Variants in GRM7 observed in about 807,000 individuals in gnomAD.
GRM7 encodes glutamate metabotropic receptor 7.
In GRM7, 35 loss-of-function variants were observed where a neutral mutation model predicts 84.5. That is an observed-to-expected ratio of 0.41 (90% CI 0.32 to 0.55). The LOEUF is 0.55. Among genes scored for constraint, GRM7 ranks in the 20% least tolerant of loss-of-function variants. The probability of loss-of-function intolerance (pLI) is 0.19; values close to 1 mark genes in which losing one functional copy is unlikely to be tolerated. For missense variants in GRM7, 1,003 were observed against 1,194.6 expected, an observed-to-expected ratio of 0.84 and a Z score of 2.36; for synonymous variants, 487 against 455.1, an observed-to-expected ratio of 1.07 and a Z score of -0.89.
At chr3:7,346,786 G>A (rs1222492337) in intron 4 of GRM7, among the ~76,000 whole-genome samples, 2 of 152,148 alleles carry the variant, frequency 1.3e-5, no homozygotes, top group Non-Finnish European at 2.9e-5. Flanking sequence ...CTCATCATTT[G>A]AAGTGCACCC....
intron 7 of GRM7, among the ~76,000 whole-genome samples, chr3:7,503,689 G>T (rs1699953527): frequency 6.6e-6 from 1 of 152,082 alleles, no homozygotes; most frequent in African/African-American, 2.4e-5. Context: ...GGAAATGTCG[G>T]CATGTTTGTC....
chr3:6,970,135 T>A (rs577723162), intron 1 of GRM7, among the ~76,000 whole-genome samples: 1 of 152,334 alleles, frequency 6.6e-6, no homozygotes, highest in African/African-American at 2.4e-5. Flanking sequence ...TTTACTCTGA[T>A]TAACCTGGTT....
intron 5 of GRM7, among the ~76,000 whole-genome samples, chr3:7,449,701 C>A (rs942504484): frequency 1.3e-5 from 2 of 152,024 alleles, no homozygotes; most frequent in Non-Finnish European, 2.9e-5. Context: ...AAAGGCAGAA[C>A]CTCAAATCAG....
chr3:7,706,568 C>T (rs566878101), intron 9 of GRM7, among the ~76,000 whole-genome samples: 1 of 152,254 alleles, frequency 6.6e-6, no homozygotes, highest in South Asian at 2.1e-4. Flanking sequence ...AGATTAAAAT[C>T]TACCAAGGGA....
chr3:7,688,703 C>G (rs1700679271), intron 9 of GRM7, among the ~76,000 whole-genome samples: 1 of 152,092 alleles, frequency 6.6e-6, no homozygotes, highest in African/African-American at 2.4e-5. Context: ...GGAGACAAGA[C>G]AGTAAAAAGA....
At chr3:7,524,180 T>A (rs954999074) in intron 7 of GRM7, among the ~76,000 whole-genome samples, 1 of 150,882 alleles carries the variant, frequency 6.6e-6, no homozygotes, top group African/African-American at 2.4e-5. Flanking sequence ...AACCTAGGCA[T>A]TACCATTCAG....
At chr3:7,038,011 ATTAT>A (rs1230630679) in intron 1 of GRM7, among the ~76,000 whole-genome samples, 6 of 152,168 alleles carry the variant, frequency 3.9e-5, no homozygotes, top group African/African-American at 1.4e-4. Flanking sequence ...CTTCTGATGA[ATTAT>A]AATAAATAGC....
intron 1 of GRM7, among the ~76,000 whole-genome samples, chr3:6,864,362 T>C (rs1196926522): frequency 2.0e-5 from 3 of 152,208 alleles, no homozygotes; most frequent in Non-Finnish European, 4.4e-5. Flanking sequence ...TCTCTTCCAG[T>C]AGCCCTTTTT....
Position 7,298,772 on chromosome 3 carries a change from G to A in GRM7, c.825G>A (p.Leu275=), listed in dbSNP as rs772512649. 1.2e-6 allele frequency: 2 copies of A among 1,613,586 alleles called. No homozygotes were observed. Among genetic ancestry groups the A allele is most frequent in the Non-Finnish European group, 1.7e-6 (2 of 1,179,634 alleles). Residue 275 remains leucine (L), a synonymous_variant, in exon 3 of 10, where the codon CTG becomes CTA. Coordinates refer to ENST00000357716, the MANE Select transcript of GRM7 (RefSeq NM_000844.4). The stretch of plus-strand genomic sequence containing the variant: ...TTGATAGAATTATCAAACAGCTCCT[G>A]GACACCCCCAACTCCAGGGCCGTCG... ...IDFDRIIKQL[L]DTPNSRAVVI...
intron 5 of GRM7, chr3:7,451,762 G>C (rs1697778530): frequency 6.6e-6 from 1 of 152,182 alleles, no homozygotes; most frequent in African/African-American, 2.4e-5. Context: ...TTTCAACACA[G>C]TGTGGGCACT....
At chr3:7,610,606 C>G (rs551439365) in intron 8 of GRM7, among the ~76,000 whole-genome samples, 1 of 152,104 alleles carries the variant, frequency 6.6e-6, no homozygotes, top group East Asian at 1.9e-4. Context: ...AAGAAGTACA[C>G]CAGGAAAAAC....
At chr3:7,374,760 G>A (rs573350000) in intron 4 of GRM7, among the ~76,000 whole-genome samples, 2 of 151,920 alleles carry the variant, frequency 1.3e-5, no homozygotes, top group African/African-American at 4.8e-5. Flanking sequence ...CAAAGTGCTG[G>A]GATTACAGGC....
intron 2 of GRM7, among the ~76,000 whole-genome samples, chr3:7,259,447 C>A (rs1698326694): frequency 6.6e-6 from 1 of 152,078 alleles, no homozygotes; most frequent in Non-Finnish European, 1.5e-5. Context: ...AACTTCAACC[C>A]AGTGGAGGTA....
intron 2 of GRM7, among the ~76,000 whole-genome samples, chr3:7,285,597 C>A (rs557589612): frequency 1.3e-5 from 2 of 152,180 alleles, no homozygotes; most frequent in South Asian, 4.2e-4. Context: ...TTGCATGTTA[C>A]AGTGTATGTA....
chr3:7,563,392 A>G (rs1023695084), intron 7 of GRM7, among the ~76,000 whole-genome samples: 2 of 152,152 alleles, frequency 1.3e-5, no homozygotes, highest in Non-Finnish European at 2.9e-5. Context: ...CAGGTTCCAT[A>G]TTACTTTTCA....
intron 4 of GRM7, among the ~76,000 whole-genome samples, chr3:7,340,157 T>G (rs1701582939): frequency 6.6e-6 from 1 of 152,160 alleles, no homozygotes; most frequent in Non-Finnish European, 1.5e-5. Context: ...AAACAAGAAC[T>G]GTGTCATATT....
At chr3:7,463,625 T>C (rs893040620) in intron 7 of GRM7, among the ~76,000 whole-genome samples, 1 of 151,766 alleles carries the variant, frequency 6.6e-6, no homozygotes, top group South Asian at 2.1e-4. Flanking sequence ...ATGGAAAAGG[T>C]GGTAGAGAGG....
chr3:7,610,342 G>A (rs1418444683), intron 8 of GRM7, among the ~76,000 whole-genome samples: 1 of 152,146 alleles, frequency 6.6e-6, no homozygotes, highest in Non-Finnish European at 1.5e-5. Context: ...TAATTGATGT[G>A]ACAGCTCATT....
chr3:7,332,156 A>G (rs1701234053), intron 4 of GRM7, among the ~76,000 whole-genome samples: 1 of 152,186 alleles, frequency 6.6e-6, no homozygotes. Context: ...GAGGAAAGTG[A>G]ACATCAGCCT....
Sources: allele counts gnomAD v4.1 joint callset (sites outside exome capture counted in the v4.1 genomes callset), GRCh38; gene constraint gnomAD v4.1.1; transcripts MANE v1.5; gene names NCBI Gene and HGNC (gene_info 2026-07-23, HGNC 2026-07-21).